Variants in BTBD1 observed in about 807,000 individuals in gnomAD.
BTBD1 encodes BTB/POZ domain-containing protein 1.
Under a neutral mutation model 48.0 loss-of-function variants are expected in BTBD1, and 34 were observed. That is an observed-to-expected ratio of 0.71 (90% CI 0.54 to 0.94). The LOEUF is 0.94. Among genes scored for constraint, BTBD1 ranks in the 40% least tolerant of loss-of-function variants. The probability of loss-of-function intolerance (pLI) is 0.00; values close to 1 mark genes in which losing one functional copy is unlikely to be tolerated. For missense variants in BTBD1, 543 were observed against 625.6 expected (o/e 0.87, Z 1.41); for synonymous variants, 261 against 242.1 (o/e 1.08, Z -0.72).
intron 2 of BTBD1, 50 bp downstream of exon 2, chr15:83,056,339 T>TA: frequency 7.6e-7 from 1 of 1,314,488 alleles, no homozygotes; most frequent in South Asian, 1.2e-5. Flanking sequence ...ATATATAGTT[T>TA]ACTCAATTTT....
intron 5 of BTBD1, among the ~76,000 whole-genome samples, chr15:83,026,320 T>G (rs2032405582): frequency 6.6e-6 from 1 of 151,986 alleles, no homozygotes; most frequent in Non-Finnish European, 1.5e-5. Context: ...GGAGGCATAC[T>G]CGATTTCACA....
chr15:83,060,133 C>A (rs547823902), intron 1 of BTBD1, among the ~76,000 whole-genome samples: 4 of 152,162 alleles, frequency 2.6e-5, no homozygotes, highest in Middle Eastern at 3.4e-3. Context: ...ATTGACTAGA[C>A]AATTCAGCAC....
rs553391205 is a variant in BTBD1 at position 83,058,838 on chromosome 15, G to A, written c.402-2293C>T. On this transcript the variant is annotated intron_variant, in intron 1 of 7. Coordinates refer to ENST00000261721, the MANE Select transcript of BTBD1 (RefSeq NM_025238.4). ...TGGTTCTATGAGAATCTATAAATGC[G>A]GGCTTTGACTTAGGAAGATGTGGAA... Among the ~76,000 whole-genome samples the A allele has an allele frequency of 3.3e-5, 5 of 152,118 alleles. No homozygotes were observed. The South Asian group carries it at 8.3e-4, about 25-fold the overall frequency.
chr15:83,056,083 T>C (rs1596443659), intron 2 of BTBD1, among the ~76,000 whole-genome samples: 1 of 144,404 alleles, frequency 6.9e-6, no homozygotes, highest in African/African-American at 2.5e-5. Context: ...CTAATTTTTA[T>C]ATTTTTAGTA....
At chr15:83,052,875 C>T (rs1047390810) in intron 2 of BTBD1, among the ~76,000 whole-genome samples, 10 of 145,542 alleles carry the variant, frequency 6.9e-5, no homozygotes, top group African/African-American at 1.3e-4. Flanking sequence ...CTCCTGACCC[C>T]GTGATCTGCC....
chr15:83,043,331 G>T (rs1317346439), intron 3 of BTBD1, among the ~76,000 whole-genome samples: 1 of 152,132 alleles, frequency 6.6e-6, no homozygotes, highest in Non-Finnish European at 1.5e-5. Flanking sequence ...CAACGTGGTG[G>T]AGTGGAGTGA....
chr15:83,053,449 T>C (rs1303010769), intron 2 of BTBD1, among the ~76,000 whole-genome samples: 1 of 152,212 alleles, frequency 6.6e-6, no homozygotes, highest in African/African-American at 2.4e-5. Flanking sequence ...ACCCAACATG[T>C]ACTCCAGAAA....
At chr15:83,036,078 A>T (rs76413157) in intron 4 of BTBD1, among the ~76,000 whole-genome samples, 1 of 149,962 alleles carries the variant, frequency 6.7e-6, no homozygotes, top group East Asian at 2.0e-4. Flanking sequence ...TATTCACAGA[A>T]TAAGGGGGAA....
Position 83,046,472 on chromosome 15 carries a change from GTGAGTCAAATCAAA to G in BTBD1, c.664+3587_664+3600del, listed in dbSNP as rs759601442. On this transcript the variant is annotated intron_variant, in intron 3 of 7. Coordinates refer to ENST00000261721, the MANE Select transcript of BTBD1 (RefSeq NM_025238.4). ...ATACTGAGTTTTCAAATAAACAACT[GTGAGTCAAATCAAA>G]TGACCAAATATTTATTGGCTTCTAC... Among the ~76,000 whole-genome samples, 6 of 152,268 alleles carry G rather than the reference GTGAGTCAAATCAAA, an allele frequency of 3.9e-5. No individual in the cohort carries two copies. In the South Asian group the frequency reaches 1.2e-3, roughly 32 times the overall value.
intron 4 of BTBD1, among the ~76,000 whole-genome samples, chr15:83,035,168 C>G (rs986921294): frequency 2.6e-5 from 4 of 152,044 alleles, no homozygotes; most frequent in Non-Finnish European, 5.9e-5. Flanking sequence ...GCACCGCATG[C>G]CTGTAATCCC....
intron 5 of BTBD1, among the ~76,000 whole-genome samples, chr15:83,028,268 G>A (rs67822554): frequency 0.13 from 19,125 of 152,050 alleles, 1,250 homozygotes; most frequent in Middle Eastern, 0.24. Flanking sequence ...CTGGAAGGAA[G>A]GTGAAATTTT....
intron 4 of BTBD1, among the ~76,000 whole-genome samples, chr15:83,033,313 T>G (rs904262170): frequency 6.6e-6 from 1 of 152,016 alleles, no homozygotes; most frequent in East Asian, 1.9e-4. Flanking sequence ...AAAGAAATAT[T>G]GAAGAGAATT....
intron 4 of BTBD1, among the ~76,000 whole-genome samples, chr15:83,040,478 A>G (rs899819171): frequency 1.3e-5 from 2 of 152,030 alleles, no homozygotes; most frequent in Non-Finnish European, 2.9e-5. Context: ...CGAGGTGGGC[A>G]GATCACCTGA....
intron 5 of BTBD1, among the ~76,000 whole-genome samples, chr15:83,026,969 C>CGTGTGTGT (rs71156067): frequency 1.7e-3 from 255 of 150,262 alleles, no homozygotes; most frequent in Middle Eastern, 6.9e-3. Context: ...AGGGGAAATA[C>CGTGTGTGT]GTGTGTGTGT....
rs1347441623 is a variant in BTBD1, at chr15:83,035,389, A to G, written c.863-5061T>C. Among the ~76,000 whole-genome samples the G allele has an allele frequency of 2.0e-5, 3 of 152,324 alleles. No individual in the cohort carries two copies. The East Asian group carries it at 5.8e-4, about 29-fold the overall frequency. ...AAATTTCAAAGCATTGAAATGATAT[A>G]GAATATATTTTCTGACTATACTGGA... On this transcript the variant is annotated intron_variant, in intron 4 of 7. Transcript: ENST00000261721.
chr15:83,060,281 T>C (rs1230579971), intron 1 of BTBD1, among the ~76,000 whole-genome samples: 1 of 150,884 alleles, frequency 6.6e-6, no homozygotes, highest in Non-Finnish European at 1.5e-5. Flanking sequence ...TTTATAATAT[T>C]TAAAAAAAAA....
At chr15:83,060,472 A>C (rs1205553028) in intron 1 of BTBD1, among the ~76,000 whole-genome samples, 2 of 151,926 alleles carry the variant, frequency 1.3e-5, no homozygotes, top group Admixed American at 6.5e-5. Context: ...AAAAAAAAAA[A>C]AAACAACTTA....
At position 83,056,565 on chromosome 15, in the gene BTBD1, T is replaced by A. The variant is rs757426683; in HGVS notation, c.402-20A>T. On this transcript the variant is annotated intron_variant, in intron 1 of 7. Coordinates refer to ENST00000261721, the MANE Select transcript of BTBD1 (RefSeq NM_025238.4). ...AGAAATCTGGAAAACAATTGGCATA[T>A]TTGCAGAGATGGTCAGTAATGTTTT... The A allele has an allele frequency of 2.5e-6, 4 of 1,607,124 alleles. No individual in the cohort carries two copies. In the Admixed American group the frequency reaches 6.7e-5, roughly 27 times the overall value.
chr15:83,065,152 T>C (rs2033242559), intron 1 of BTBD1, among the ~76,000 whole-genome samples: 1 of 151,488 alleles, frequency 6.6e-6, no homozygotes, highest in South Asian at 2.1e-4. Flanking sequence ...CTCACTACTA[T>C]AAATAAAGCT....
Sources: allele counts gnomAD v4.1 joint callset (sites outside exome capture counted in the v4.1 genomes callset), GRCh38; gene constraint gnomAD v4.1.1; transcripts MANE v1.5; gene names NCBI Gene and HGNC (gene_info 2026-07-23, HGNC 2026-07-21).